The following CUX2 variants were observed in gnomAD, a reference collection of about 807,000 sequenced individuals.
CUX2 encodes cut like homeobox 2, also known as homeobox protein cut-like 2.
In CUX2, 40 loss-of-function variants were observed where a neutral mutation model predicts 144.8. That is an observed-to-expected ratio of 0.28 (90% CI 0.21 to 0.36). CUX2 has a LOEUF of 0.36. Ranked by LOEUF, CUX2 falls within the 10% of genes least tolerant of loss-of-function variation. The probability of loss-of-function intolerance (pLI) is 1.00; values close to 1 mark genes in which losing one functional copy is unlikely to be tolerated. For synonymous variants in CUX2, 827 were observed against 875.6 expected (o/e 0.94, Z 0.98); for missense variants, 1,615 against 1,994.0 (o/e 0.81, Z 3.62).
intron 1 of CUX2, among the ~76,000 whole-genome samples, chr12:111,126,579 G>C (rs1300376767): frequency 6.6e-6 from 1 of 152,158 alleles, no homozygotes; most frequent in Non-Finnish European, 1.5e-5. Flanking sequence ...CCCGAGGGAG[G>C]GTCAGCTTTT....
intron 21 of CUX2, 31 bp downstream of exon 21, chr12:111,342,084 G>A (rs772743818): frequency 1.3e-6 from 2 of 1,583,356 alleles, no homozygotes; most frequent in Non-Finnish European, 8.6e-7. Flanking sequence ...CCACAGGCGG[G>A]TGGCAGAATC....
At position 111,348,206 on chromosome 12, in the gene CUX2, A is replaced by G. The variant is rs1197924371; in HGVS notation, c.4342A>G (p.Ser1448Gly). The change falls in exon 22 of 22, where the codon AGT (serine) becomes GGT (glycine). Residue 1448 changes from serine to glycine, a missense_variant. This residue lies in a region of CUX2 where 298 missense variants were observed against 330.4 expected (regional missense o/e 0.90). Coordinates refer to ENST00000261726, the MANE Select transcript of CUX2 (RefSeq NM_015267.4). ...TGACATGGCTGGAGCCTTGCACCCC[A>G]GTGCCAAGGTGAACCCCAACTTGCA... is the stretch of plus-strand genomic sequence containing the variant. ...TADMAGALHP[S>G]AKVNPNLQRR... 1 of 1,613,882 alleles carries G rather than the reference A, an allele frequency of 6.2e-7. No homozygotes were observed. The highest frequency in any genetic ancestry group is 8.5e-7 in the Non-Finnish European group (1 of 1,180,026).
chr12:111,114,492 C>T (rs1169016703), intron 1 of CUX2, among the ~76,000 whole-genome samples: 1 of 152,090 alleles, frequency 6.6e-6, no homozygotes, highest in Non-Finnish European at 1.5e-5. Flanking sequence ...TTCTGGGGAT[C>T]AGTTCTCTGT....
intron 1 of CUX2, among the ~76,000 whole-genome samples, chr12:111,127,546 C>T (rs1222399477): frequency 1.3e-5 from 2 of 152,224 alleles, no homozygotes; most frequent in African/African-American, 2.4e-5. Flanking sequence ...GGCCAGCTAA[C>T]AGTCTTAACT....
chr12:111,173,060 A>C (rs778546502), intron 1 of CUX2, among the ~76,000 whole-genome samples: 1 of 152,128 alleles, frequency 6.6e-6, no homozygotes, highest in Non-Finnish European at 1.5e-5. Context: ...CTTGCCTGCA[A>C]ATTTTTGGTC....
At chr12:111,086,219 A>AT (rs1872207033) in intron 1 of CUX2, among the ~76,000 whole-genome samples, 1 of 152,218 alleles carries the variant, frequency 6.6e-6, no homozygotes, top group Non-Finnish European at 1.5e-5. Flanking sequence ...AAATATTTCT[A>AT]TTATATCATG....
chr12:111,327,859 C>A (rs143821079), intron 18 of CUX2, among the ~76,000 whole-genome samples: 42 of 152,160 alleles, frequency 2.8e-4, no homozygotes, highest in Non-Finnish European at 3.5e-4. Flanking sequence ...GAGTTTGAGA[C>A]CAGCCTGACC....
chr12:111,047,976 G>C (rs937072165), intron 1 of CUX2, among the ~76,000 whole-genome samples: 1 of 152,186 alleles, frequency 6.6e-6, no homozygotes, highest in Non-Finnish European at 1.5e-5. Context: ...TCCAGGAGGA[G>C]CCTGTGCAAA....
intron 3 of CUX2, among the ~76,000 whole-genome samples, chr12:111,236,623 A>G (rs1258610396): frequency 6.6e-6 from 1 of 152,176 alleles, no homozygotes; most frequent in Non-Finnish European, 1.5e-5. Context: ...AGGCTTCAGG[A>G]CCACAGGCTG....
intron 1 of CUX2, among the ~76,000 whole-genome samples, chr12:111,159,348 C>A (rs2136148745): frequency 6.7e-6 from 1 of 150,120 alleles, no homozygotes; most frequent in East Asian, 2.0e-4. Context: ...AGGGGTCTCA[C>A]TACATTACCC....
chr12:111,087,125 C>T (rs1191102325), intron 1 of CUX2, among the ~76,000 whole-genome samples: 3 of 151,856 alleles, frequency 2.0e-5, no homozygotes, highest in African/African-American at 7.3e-5. Flanking sequence ...TCTGGGAGGC[C>T]GAGGCAGGCG....
rs1185173457 is a variant in CUX2, at chr12:111,034,802, G to A, written c.63+562G>A. On this transcript the variant is annotated intron_variant, in intron 1 of 21. Transcript: ENST00000261726. The surrounding 1 kb of genome is among the most constrained non-coding windows in gnomAD (Gnocchi z 4.2). ...GCGGCTCCGCGCCCCGCCGCTCGCC[G>A]GCACCTCAGCCTTCGCCGCCCGCCT... Among the ~76,000 whole-genome samples, 2 of 149,532 alleles carry A rather than the reference G, an allele frequency of 1.3e-5. No homozygotes were observed. Among genetic ancestry groups the A allele is most frequent in the African/African-American group, 4.9e-5 (2 of 41,136 alleles).
intron 1 of CUX2, among the ~76,000 whole-genome samples, chr12:111,045,610 T>G (rs977614499): frequency 3.9e-5 from 6 of 152,350 alleles, no homozygotes; most frequent in Admixed American, 1.3e-4. Flanking sequence ...ATTGTTATTA[T>G]TATCTTTCTT....
Position 111,160,369 on chromosome 12 carries a change from G to A in CUX2, c.64-53831G>A, listed in dbSNP as rs1877675154. ...GCAGGGTGCGTGTCAGAGTGTGTAT[G>A]GGCAAGCATGTGTGTGCGGGCATCT... On this transcript the variant is annotated intron_variant, in intron 1 of 21. Transcript: ENST00000261726. This position sits in a 1 kb window ranked among gnomAD's most constrained non-coding sequence, Gnocchi z 4.1. 6.6e-6 allele frequency among the ~76,000 whole-genome samples: 1 copy of A among 152,112 alleles called. No homozygotes were observed. The highest frequency in any genetic ancestry group is 1.5e-5 in the Non-Finnish European group (1 of 68,006).
At position 111,322,041 on chromosome 12, in the gene CUX2, G is replaced by A. The variant is rs1023072374; in HGVS notation, c.2767-380G>A. Reference sequence around the variant, plus strand: ...GGGGAGGGGAGGGGATGGGAGGCTGGGCATGGTGGCTCACACCTATAATCC... The same window carrying A: ...GGGGAGGGGAGGGGATGGGAGGCTGAGCATGGTGGCTCACACCTATAATCC... On this transcript the variant is annotated intron_variant, in intron 17 of 21. Coordinates refer to ENST00000261726, the MANE Select transcript of CUX2 (RefSeq NM_015267.4). The surrounding 1 kb of genome is among the most constrained non-coding windows in gnomAD (Gnocchi z 4.2). Among the ~76,000 whole-genome samples, 12 of 152,014 alleles carry A rather than the reference G, an allele frequency of 7.9e-5. No individual in the cohort carries two copies. Among genetic ancestry groups the A allele is most frequent in the African/African-American group, 2.9e-4 (12 of 41,392 alleles).
At chr12:111,325,268 T>C (rs924162555) in intron 18 of CUX2, among the ~76,000 whole-genome samples, 5 of 150,072 alleles carry the variant, frequency 3.3e-5, no homozygotes, top group Admixed American at 3.3e-4. Flanking sequence ...CACTCCAGCC[T>C]GGGCGACAGA....
At chr12:111,073,037 G>A (rs1213866081) in intron 1 of CUX2, among the ~76,000 whole-genome samples, 1 of 152,126 alleles carries the variant, frequency 6.6e-6, no homozygotes, top group African/African-American at 2.4e-5. Flanking sequence ...ATCTTTTGTT[G>A]ACATGTCACA....
chr12:111,110,563 A>G (rs924310351), intron 1 of CUX2, among the ~76,000 whole-genome samples: 7 of 152,244 alleles, frequency 4.6e-5, no homozygotes, highest in Admixed American at 1.3e-4. Flanking sequence ...GCTTAATCCA[A>G]TAATGATTTC....
intron 1 of CUX2, among the ~76,000 whole-genome samples, chr12:111,069,546 G>GTA (rs1464916134): frequency 3.3e-5 from 5 of 151,570 alleles, no homozygotes; most frequent in African/African-American, 1.2e-4. Context: ...GTGTGTGTGT[G>GTA]TGTGTGCGCG....
Sources: allele counts gnomAD v4.1 joint callset (sites outside exome capture counted in the v4.1 genomes callset), GRCh38; gene constraint gnomAD v4.1.1; regional missense constraint gnomAD v4.1.1; non-coding constraint Gnocchi (gnomAD v3.1); transcripts MANE v1.5; gene names NCBI Gene and HGNC (gene_info 2026-07-23, HGNC 2026-07-21).